PPM1D: variants seen among roughly 807,000 people sequenced by gnomAD.
PPM1D encodes the protein protein phosphatase, Mg2+/Mn2+ dependent 1D, also known as protein phosphatase 1D.
PPM1D carries 52 observed loss-of-function variants against 58.3 expected under a neutral mutation model. That is an observed-to-expected ratio of 0.89 (90% CI 0.71 to 1.12). PPM1D has a LOEUF of 1.12. PPM1D is among the 50% of genes most tolerant of loss of function. The probability of loss-of-function intolerance (pLI) is 0.00; values close to 1 mark genes in which losing one functional copy is unlikely to be tolerated. For missense variants in PPM1D, 564 were observed against 777.2 expected (o/e 0.73, Z 3.26); for synonymous variants, 278 against 285.1 (o/e 0.98, Z 0.25).
At chr17:60,620,436 A>G (rs899621150) in intron 1 of PPM1D, among the ~76,000 whole-genome samples, 3 of 152,044 alleles carry the variant, frequency 2.0e-5, no homozygotes, top group Admixed American at 6.5e-5. Flanking sequence ...TTGCCTTTTC[A>G]TTTTGTTGAT....
chr17:60,662,020 G>A (rs181893370), intron 5 of PPM1D, among the ~76,000 whole-genome samples: 7 of 151,556 alleles, frequency 4.6e-5, no homozygotes, highest in African/African-American at 7.3e-5. Context: ...ATTGTGAGAC[G>A]GAGTCTCACT....
intron 2 of PPM1D, among the ~76,000 whole-genome samples, chr17:60,631,737 A>G (rs1273055720): frequency 3.3e-5 from 5 of 152,206 alleles, no homozygotes; most frequent in Non-Finnish European, 7.3e-5. Flanking sequence ...TATACTCACC[A>G]CTAGCCACAA....
intron 1 of PPM1D, among the ~76,000 whole-genome samples, chr17:60,617,969 G>C (rs902974159): frequency 3.9e-5 from 6 of 152,090 alleles, no homozygotes; most frequent in African/African-American, 1.4e-4. Flanking sequence ...GTTCTGTAAT[G>C]GTTTACTTGT....
chr17:60,637,334 G>C (rs1369864662), intron 3 of PPM1D, among the ~76,000 whole-genome samples: 8 of 151,946 alleles, frequency 5.3e-5, no homozygotes, highest in African/African-American at 1.5e-4. Flanking sequence ...TCCAACTCCT[G>C]ACCTCAAGTG....
Position 60,633,966 on chromosome 17 carries a change from C to G in PPM1D, c.815C>G (p.Ala272Gly). ...GACCAGATTCCTTTTCTGGCAGTAG[C>G]AAGAGCACTTGGTAAGTAGGACTTA... ...VIDQIPFLAVARALGDLWSYD... is the reference protein window; with the variant it reads ...VIDQIPFLAVGRALGDLWSYD... The change falls in exon 3 of 6, where the codon GCA becomes GGA. Residue 272 changes from alanine (A) to glycine (G), a missense_variant. By Grantham distance (60) the Ala-to-Gly change is moderately conservative. This residue lies in a region of PPM1D where 95 missense variants were observed against 232.6 expected (regional missense o/e 0.41). Coordinates refer to ENST00000305921, the MANE Select transcript of PPM1D (RefSeq NM_003620.4). 2 of 1,613,170 alleles carry G rather than the reference C, an allele frequency of 1.2e-6. No homozygotes were observed. The highest frequency in any genetic ancestry group is 1.7e-6 in the Non-Finnish European group (2 of 1,179,572).
intron 1 of PPM1D, among the ~76,000 whole-genome samples, chr17:60,619,979 TTTTG>T (rs967310854): frequency 7.4e-5 from 11 of 148,062 alleles, no homozygotes; most frequent in African/African-American, 1.3e-4. Context: ...TTTTTTTTGT[TTTTG>T]TTTGTTTTGT....
At chr17:60,616,161 A>C (rs1035860237) in intron 1 of PPM1D, among the ~76,000 whole-genome samples, 3 of 151,976 alleles carry the variant, frequency 2.0e-5, no homozygotes, top group African/African-American at 7.2e-5. Context: ...GGTGGCACAC[A>C]ACTGTAATCC....
chr17:60,605,163 G>A (rs565265906), intron 1 of PPM1D, among the ~76,000 whole-genome samples: 1 of 152,336 alleles, frequency 6.6e-6, no homozygotes, highest in African/African-American at 2.4e-5. Flanking sequence ...TTAGGTAGCT[G>A]TGAAGAATGC....
At chr17:60,649,251 A>G (rs147812488) in intron 4 of PPM1D, among the ~76,000 whole-genome samples, 140 of 152,168 alleles carry the variant, frequency 9.2e-4, no homozygotes, top group Non-Finnish European at 1.4e-3. Flanking sequence ...ATCATCCCCT[A>G]ACAGAGCACA....
chr17:60,656,467 A>T, intron 4 of PPM1D, 132 bp from the exon 5 acceptor site: 41 of 1,158,840 alleles, frequency 3.5e-5, no homozygotes, highest in Non-Finnish European at 4.5e-5. Flanking sequence ...AAAAAAAAAG[A>T]GAAAAGAAAA....
At chr17:60,630,021 CAA>C (rs1220792146) in intron 2 of PPM1D, among the ~76,000 whole-genome samples, 1 of 151,776 alleles carries the variant, frequency 6.6e-6, no homozygotes, top group Non-Finnish European at 1.5e-5. Flanking sequence ...GCCTGCCCAA[CAA>C]GAGTGAAAAC....
intron 4 of PPM1D, among the ~76,000 whole-genome samples, chr17:60,649,048 C>A (rs530501951): frequency 2.0e-5 from 3 of 151,466 alleles, no homozygotes; most frequent in African/African-American, 7.3e-5. Context: ...CATGAGCCAC[C>A]GCACCCGGCC....
At chr17:60,654,194 T>C (rs559914398) in intron 4 of PPM1D, among the ~76,000 whole-genome samples, 1 of 151,968 alleles carries the variant, frequency 6.6e-6, no homozygotes, top group South Asian at 2.1e-4. Context: ...ATTTCTACTA[T>C]ACTTATTTTT....
chr17:60,608,370 A>G (rs1307913922), intron 1 of PPM1D, among the ~76,000 whole-genome samples: 1 of 152,202 alleles, frequency 6.6e-6, no homozygotes, highest in African/African-American at 2.4e-5. Flanking sequence ...TAAAAAATAA[A>G]ACATTACCAG....
At chr17:60,655,968 T>C (rs566830860) in intron 4 of PPM1D, among the ~76,000 whole-genome samples, 24 of 152,042 alleles carry the variant, frequency 1.6e-4, no homozygotes, top group Middle Eastern at 3.4e-3. Context: ...CCCAAAGTGC[T>C]GGGATTACAG....
intron 1 of PPM1D, among the ~76,000 whole-genome samples, chr17:60,603,320 C>T (rs2030259423): frequency 6.6e-6 from 1 of 151,986 alleles, no homozygotes; most frequent in African/African-American, 2.4e-5. Flanking sequence ...GAAATTTAAA[C>T]TTAGGCAATT....
chr17:60,652,282 C>T (rs1424325487), intron 4 of PPM1D, among the ~76,000 whole-genome samples: 1 of 152,076 alleles, frequency 6.6e-6, no homozygotes, highest in Non-Finnish European at 1.5e-5. Flanking sequence ...TAATGTCCTC[C>T]AGTTCCATCC....
At chr17:60,628,566 T>C (rs1296141742) in intron 2 of PPM1D, among the ~76,000 whole-genome samples, 1 of 152,200 alleles carries the variant, frequency 6.6e-6, no homozygotes, top group Non-Finnish European at 1.5e-5. Context: ...CTTCATAATT[T>C]TGCTTTTTCC....
At chr17:60,613,830 C>T (rs866990027) in intron 1 of PPM1D, among the ~76,000 whole-genome samples, 8 of 152,212 alleles carry the variant, frequency 5.3e-5, no homozygotes, top group African/African-American at 9.6e-5. Flanking sequence ...GATTTCTCGC[C>T]GGGCCTTAGC....
Sources: gnomAD v4.1 joint callset for allele counts (sites outside exome capture counted in the v4.1 genomes callset) on GRCh38, gnomAD v4.1.1 for gene constraint, gnomAD v4.1.1 regional missense constraint, MANE v1.5 for transcripts, NCBI Gene and HGNC (gene_info 2026-07-23, HGNC 2026-07-21) for gene names.